ZFP62: variants seen among roughly 807,000 people sequenced by gnomAD.
ZFP62 encodes the protein ZFP62 zinc finger protein.
A neutral mutation model predicts 56.4 loss-of-function variants in ZFP62; 44 were observed. That is an observed-to-expected ratio of 0.78 (90% confidence interval 0.61 to 1.00). The LOEUF is 1.00. Among genes scored for constraint, ZFP62 ranks in the 50% least tolerant of loss-of-function variants. The probability of loss-of-function intolerance (pLI) is 0.00; values close to 1 mark genes in which losing one functional copy is unlikely to be tolerated. For synonymous variants in ZFP62, 421 were observed against 388.9 expected (o/e 1.08, Z -0.97); for missense variants, 1,030 against 1,085.7 (o/e 0.95, Z 0.72).
the ZFP62 span, chr5:180,830,467 C>G: frequency 2.6e-5 from 4 of 152,476 alleles, no homozygotes; most frequent in East Asian, 7.7e-4. Context: ...AAAGGAGCTC[C>G]CTCCCTGATG....
intron 1 of ZFP62, chr5:180,851,871 TGAA>T (rs1305582865): frequency 6.9e-6 from 2 of 291,238 alleles, no homozygotes; most frequent in Non-Finnish European, 1.1e-5. Flanking sequence ...AAGAAATCTC[TGAA>T]GAAGACAGAA....
chr5:180,841,836 T>C, the ZFP62 span, among the ~76,000 whole-genome samples: 104,541 of 152,068 alleles, frequency 0.69, 37,893 homozygotes, highest in East Asian at 0.96. Context: ...GGCAGATCAC[T>C]TGAGGTCAGG....
At chr5:180,854,876 T>G (rs141409292) in intron 1 of ZFP62, among the ~76,000 whole-genome samples, 2,841 of 152,346 alleles carry the variant, frequency 0.019, 83 homozygotes, top group African/African-American at 0.065. Flanking sequence ...TAAAGAGACT[T>G]GACCACTATA....
intron 1 of ZFP62, 86 bp downstream of exon 1, chr5:180,861,133 G>A (rs893338603): frequency 2.8e-5 from 11 of 398,872 alleles, no homozygotes; most frequent in African/African-American, 2.3e-4. Context: ...CGAGACCCGC[G>A]GAGCAGCCAA....
chr5:180,849,934 C>T lies in ZFP62; in HGVS notation c.1561G>A (p.Glu521Lys). 6.4e-7 allele frequency: 1 copy of T among 1,551,148 alleles called. No homozygotes were observed. The highest frequency in any genetic ancestry group is 2.0e-5 in the Admixed American group (1 of 50,968). Residue 521 changes from glutamate (E) to lysine (K), a missense_variant, in exon 2 of 2, where the codon GAA (glutamate) becomes AAA (lysine). Physicochemically the swap from Glu to Lys is moderately conservative, Grantham distance 56. Coordinates refer to ENST00000502412, the MANE Select transcript of ZFP62 (RefSeq NM_001172638.2). ...CTGGTATGAATCCTTTTATGCTGTT[C>T]AAGGGCAGAGCTGTAGTTGAAGGAT... The part of the protein sequence containing the change: ...EKSFNYSSAL[E>K]QHKRIHTREK...
chr5:180,829,305 C>T, the ZFP62 span, among the ~76,000 whole-genome samples: 51 of 152,126 alleles, frequency 3.4e-4, no homozygotes, highest in South Asian at 8.3e-4. Context: ...TGCCCTTTGT[C>T]CTGTTTCCTC....
rs754722517 is a variant in ZFP62 at position 180,850,526 on chromosome 5, T to C, written c.969A>G (p.Thr323=). The C allele has an allele frequency of 4.5e-6, 7 of 1,553,562 alleles. No individual in the cohort carries two copies. In the South Asian group the frequency reaches 7.1e-5, roughly 16 times the overall value. The change falls in exon 2 of 2, where the codon ACA becomes ACG. Residue 323 remains threonine, a synonymous_variant. Coordinates refer to ENST00000502412, the MANE Select transcript of ZFP62 (RefSeq NM_001172638.2). The stretch of plus-strand genomic sequence containing the variant: ...AGTGGATGCTTTTATGGTTGAGAAG[T>C]GTTCTACAAGTAATGAAGGCCTTCC... ...ECGKAFITCR[T]LLNHKSIHFG... is the part of the protein sequence containing the mutation.
Position 180,849,004 on chromosome 5 carries a change from T to A in ZFP62, c.2491A>T (p.Lys831Ter), listed in dbSNP as rs1215724566. 6 of 1,551,766 alleles carry A rather than the reference T, an allele frequency of 3.9e-6. No homozygotes were observed. The highest frequency in any genetic ancestry group is 5.2e-6 in the Non-Finnish European group (6 of 1,147,026). The part of the protein sequence containing the change: ...FNYRSVLDQH[K>*]RIHTGKKPYR... ...GGCTTCTTTCCAGTGTGGATCCTTTTGTGCTGGTCAAGGACTGATCTATAA... is the reference window on the plus strand; with the variant it reads ...GGCTTCTTTCCAGTGTGGATCCTTTAGTGCTGGTCAAGGACTGATCTATAA... The change falls in exon 2 of 2, where the codon AAA becomes TAA. Residue 831 changes from lysine (K) to a stop codon, truncating the protein, a stop_gained. Transcript: ENST00000502412. LOFTEE classifies it high-confidence loss of function.
chr5:180,859,415 TGAGAA>T (rs1408471278), intron 1 of ZFP62, among the ~76,000 whole-genome samples: 2 of 152,224 alleles, frequency 1.3e-5, no homozygotes, highest in African/African-American at 4.8e-5. Flanking sequence ...GATATGCAGA[TGAGAA>T]GAGAATATGG....
At chr5:180,852,626 T>C (rs1489242858) in intron 1 of ZFP62, among the ~76,000 whole-genome samples, 2 of 150,554 alleles carry the variant, frequency 1.3e-5, no homozygotes, top group African/African-American at 4.9e-5. Flanking sequence ...AAACTCCATA[T>C]GGAATAGAGC....
Position 180,850,945 on chromosome 5 carries a change from G to A in ZFP62, c.550C>T (p.Leu184Phe). 6.4e-7 allele frequency: 1 copy of A among 1,555,890 alleles called. No homozygotes were observed. Among genetic ancestry groups the A allele is most frequent in the Non-Finnish European group, 8.7e-7 (1 of 1,150,002 alleles). The stretch of plus-strand genomic sequence containing the variant: ...GTGTGGATCCGTTTGTGGACCCGAA[G>A]GCTCGAGCTGCTCCGGAAAGTCCCT... ...CGGTFRSSSS[L>F]RVHKRIHTGE... The change falls in exon 2 of 2, where the codon CTT becomes TTT. Residue 184 changes from leucine (L) to phenylalanine (F), a missense_variant. Transcript: ENST00000502412.
chr5:180,854,265 C>A (rs2619762), intron 1 of ZFP62, among the ~76,000 whole-genome samples: 104,655 of 152,078 alleles, frequency 0.69, 37,938 homozygotes, highest in East Asian at 0.96. Context: ...GCTGCAAGAC[C>A]CAGCTTGAAC....
the ZFP62 span, among the ~76,000 whole-genome samples, chr5:180,836,566 T>G: frequency 6.6e-6 from 1 of 152,260 alleles, no homozygotes; most frequent in South Asian, 2.1e-4. Flanking sequence ...AAAGATGCAA[T>G]TTCCAAATAA....
the ZFP62 span, chr5:180,832,991 G>A: frequency 4.6e-5 from 7 of 152,376 alleles, no homozygotes; most frequent in East Asian, 1.3e-3. Context: ...TGGTTGTTGT[G>A]TCTGACAGTC....
chr5:180,836,274 C>G, the ZFP62 span, among the ~76,000 whole-genome samples: 2 of 152,240 alleles, frequency 1.3e-5, no homozygotes, highest in Admixed American at 1.3e-4. Flanking sequence ...TATTTTCTCA[C>G]AGACTTGGAA....
chr5:180,847,466 T>C (rs1391198383), downstream of ZFP62: 1 of 468,858 alleles, frequency 2.1e-6, no homozygotes, highest in Non-Finnish European at 2.8e-6. Flanking sequence ...GGAGGCACCT[T>C]CTAACTTCTG....
At chr5:180,833,073 A>G in the ZFP62 span, among the ~76,000 whole-genome samples, 2 of 152,312 alleles carry the variant, frequency 1.3e-5, no homozygotes, top group South Asian at 2.1e-4. Context: ...CTCCTGGTTC[A>G]TTCCGTTACG....
In ZFP62 at chr5:180,850,045, T is replaced by C. The variant is rs1262162829; in HGVS notation, c.1450A>G (p.Lys484Glu). The change falls in exon 2 of 2, where the codon AAA becomes GAA. Residue 484 changes from lysine to glutamate, a missense_variant. Coordinates refer to ENST00000502412, the MANE Select transcript of ZFP62 (RefSeq NM_001172638.2). ...EKPYKCDVCG[K>E]AYISRSSLKN... is the part of the protein sequence containing the mutation. The stretch of plus-strand genomic sequence containing the variant: ...AGGCTAGAGCGTGAGATATAGGCTT[T>C]CCCACACACATCACACTTATATGGT... 6.4e-7 allele frequency: 1 copy of C among 1,551,850 alleles called. No homozygotes were observed. Among genetic ancestry groups the C allele is most frequent in the Admixed American group, 2.0e-5 (1 of 51,008 alleles).
downstream of ZFP62, among the ~76,000 whole-genome samples, chr5:180,844,839 G>C (rs1326510017): frequency 1.3e-5 from 2 of 152,108 alleles, no homozygotes; most frequent in African/African-American, 4.8e-5. Flanking sequence ...TTGACTTCCA[G>C]GTAAGAGTTG....
Sources: allele counts gnomAD v4.1 joint callset (sites outside exome capture counted in the v4.1 genomes callset), GRCh38; gene constraint gnomAD v4.1.1; transcripts MANE v1.5; gene names NCBI Gene and HGNC (gene_info 2026-07-23, HGNC 2026-07-21).